SLC30A5: variants seen among roughly 807,000 people sequenced by gnomAD.
SLC30A5 encodes the protein solute carrier family 30 member 5.
A neutral mutation model predicts 79.6 loss-of-function variants in SLC30A5; 33 were observed. That is an observed-to-expected ratio of 0.41 (90% CI 0.31 to 0.55). The LOEUF (loss-of-function observed/expected upper bound fraction) is 0.55, where lower values mean the gene tolerates loss of function less well. Ranked by LOEUF, SLC30A5 falls within the 20% of genes least tolerant of loss-of-function variation. SLC30A5 has a pLI of 0.20. For synonymous variants in SLC30A5, 299 were observed against 319.7 expected, an observed-to-expected ratio of 0.94 and a Z score of 0.69; for missense variants, 788 against 928.1, an observed-to-expected ratio of 0.85 and a Z score of 1.96.
chr5:69,098,376 A>C (rs1021854785), intron 1 of SLC30A5, among the ~76,000 whole-genome samples: 3 of 152,110 alleles, frequency 2.0e-5, no homozygotes, highest in African/African-American at 7.2e-5. Context: ...AAATACAAAA[A>C]TTAGCCTGAC....
At chr5:69,100,490 G>A (rs980283275) in intron 1 of SLC30A5, among the ~76,000 whole-genome samples, 3 of 152,026 alleles carry the variant, frequency 2.0e-5, no homozygotes, top group African/African-American at 7.2e-5. Flanking sequence ...AATGTTAACA[G>A]TAGGGCGCGG....
At chr5:69,126,800 ACAAC>A (rs1238530271) in intron 14 of SLC30A5, among the ~76,000 whole-genome samples, 6 of 150,300 alleles carry the variant, frequency 4.0e-5, no homozygotes, top group Non-Finnish European at 7.4e-5. Context: ...AACAACAACA[ACAAC>A]AACAAAATAT....
chr5:69,106,294 G>A (rs774106532), intron 4 of SLC30A5, among the ~76,000 whole-genome samples: 1 of 152,164 alleles, frequency 6.6e-6, no homozygotes, highest in Non-Finnish European at 1.5e-5. Context: ...GTTTTTCACC[G>A]TATGCTTGAA....
chr5:69,097,940 T>C (rs112263960), intron 1 of SLC30A5, among the ~76,000 whole-genome samples: 32 of 152,244 alleles, frequency 2.1e-4, no homozygotes, highest in African/African-American at 7.5e-4. Context: ...TCCTAGTTCA[T>C]GTTATGAAGG....
intron 4 of SLC30A5, among the ~76,000 whole-genome samples, chr5:69,105,775 C>T (rs1746065426): frequency 6.6e-6 from 1 of 152,182 alleles, no homozygotes. Context: ...CACGGGGGAG[C>T]AAGCATTACT....
chr5:69,103,952 C>G (rs1432607501), intron 3 of SLC30A5: 4 of 1,530,006 alleles, frequency 2.6e-6, no homozygotes, highest in African/African-American at 2.8e-5. Flanking sequence ...ACTTTTTTCT[C>G]TCCTTTCAGA....
chr5:69,129,485 A>T lies in SLC30A5; in HGVS notation c.2166A>T (p.Leu722Phe). The T allele has an allele frequency of 1.2e-6, 2 of 1,613,220 alleles. No individual in the cohort carries two copies. The highest frequency in any genetic ancestry group is 2.2e-5 in the South Asian group (2 of 91,004). Residue 722 changes from leucine (L) to phenylalanine (F), a missense_variant, in exon 16 of 16, where the codon TTA becomes TTT. Transcript: ENST00000396591. ...GILKDAGVNNLTIQVEKEAYF... is the reference protein window; with the variant it reads ...GILKDAGVNNFTIQVEKEAYF... ...TTAAAGATGCTGGAGTAAACAATTT[A>T]ACAATTCAAGTGGAAAAGGAGGCAT... is the stretch of plus-strand genomic sequence containing the variant.
At chr5:69,099,968 T>C (rs1484640710) in intron 1 of SLC30A5, among the ~76,000 whole-genome samples, 5 of 152,170 alleles carry the variant, frequency 3.3e-5, no homozygotes, top group East Asian at 3.8e-4. Context: ...CAAAATGTTG[T>C]GGTTGGTTGG....
At chr5:69,107,868 G>A (rs970084636) in intron 4 of SLC30A5, among the ~76,000 whole-genome samples, 7 of 152,098 alleles carry the variant, frequency 4.6e-5, no homozygotes, top group African/African-American at 1.7e-4. Context: ...GAGTAGCTGG[G>A]ATTACAGGCA....
intron 1 of SLC30A5, among the ~76,000 whole-genome samples, chr5:69,095,476 A>C (rs1275667369): frequency 2.6e-5 from 4 of 152,160 alleles, no homozygotes; most frequent in Non-Finnish European, 5.9e-5. Flanking sequence ...CCGGGATTAC[A>C]GGCATGAGCC....
At chr5:69,112,238 A>C (rs889611342) in intron 5 of SLC30A5, among the ~76,000 whole-genome samples, 1 of 152,066 alleles carries the variant, frequency 6.6e-6, no homozygotes, top group South Asian at 2.1e-4. Context: ...TGGAGGTTGC[A>C]GTGAGCCGAG....
chr5:69,101,722 G>A (rs1047568336), intron 2 of SLC30A5, among the ~76,000 whole-genome samples: 6 of 151,218 alleles, frequency 4.0e-5, no homozygotes, highest in East Asian at 2.0e-4. Flanking sequence ...TTTGGGAGGC[G>A]GAGGCAGGTG....
At chr5:69,126,801 C>CA (rs1561300254) in intron 14 of SLC30A5, among the ~76,000 whole-genome samples, 2 of 146,422 alleles carry the variant, frequency 1.4e-5, no homozygotes, top group African/African-American at 2.5e-5. Context: ...ACAACAACAA[C>CA]AACAACAAAA....
At chr5:69,120,071 T>C (rs933914309) in intron 12 of SLC30A5, among the ~76,000 whole-genome samples, 1 of 147,224 alleles carries the variant, frequency 6.8e-6, no homozygotes, top group South Asian at 2.2e-4. Context: ...TTATTTATAA[T>C]AGTGAAAAAA....
chr5:69,128,695 T>C (rs949481343), intron 15 of SLC30A5, among the ~76,000 whole-genome samples: 2 of 152,220 alleles, frequency 1.3e-5, no homozygotes, highest in African/African-American at 4.8e-5. Flanking sequence ...AATTCATTTA[T>C]GAGTTTGATT....
rs535156731 is a variant in SLC30A5 at position 69,127,665 on chromosome 5, A to G, written c.1999-339A>G. ...AAAAAAAACAAAAACGAACAAAATA[A>G]AGATACCTGTAACACCCATTTGCCT... On this transcript the variant is annotated intron_variant, in intron 14 of 15. Coordinates refer to ENST00000396591, the MANE Select transcript of SLC30A5 (RefSeq NM_022902.5). 5.4e-4 allele frequency among the ~76,000 whole-genome samples: 82 copies of G among 151,916 alleles called. 2 individuals are homozygous for G. In the South Asian group the frequency reaches 0.012, roughly 22 times the overall value.
At chr5:69,117,998 AC>A (rs1319920775) in intron 11 of SLC30A5, among the ~76,000 whole-genome samples, 1 of 149,796 alleles carries the variant, frequency 6.7e-6, no homozygotes, top group Non-Finnish European at 1.5e-5. Context: ...ACACGGTGAA[AC>A]CCCGTCTCTA....
At chr5:69,115,159 A>G in intron 7 of SLC30A5, 78 bp from the exon 8 acceptor site, 1 of 844,924 alleles carries the variant, frequency 1.2e-6, no homozygotes, top group Non-Finnish European at 1.8e-6. Flanking sequence ...AAAAAAAAAA[A>G]AAAAAAGATC....
chr5:69,103,860 TAGAA>T, intron 3 of SLC30A5: 1 of 918,076 alleles, frequency 1.1e-6, no homozygotes, highest in East Asian at 3.0e-5. Flanking sequence ...ATTTTTTTAT[TAGAA>T]AGACGAATTT....
Sources: gnomAD v4.1 joint callset for allele counts (sites outside exome capture counted in the v4.1 genomes callset) on GRCh38, gnomAD v4.1.1 for gene constraint, MANE v1.5 for transcripts, NCBI Gene and HGNC (gene_info 2026-07-23, HGNC 2026-07-21) for gene names.